Variants in STAB1 observed in about 807,000 individuals in gnomAD.
The protein encoded by STAB1 is stabilin 1.
In STAB1, 250 loss-of-function variants were observed where a neutral mutation model predicts 332.4. That is an observed-to-expected ratio of 0.75 (90% CI 0.68 to 0.84). The LOEUF is 0.84. Ranked by LOEUF, STAB1 falls within the 40% of genes least tolerant of loss-of-function variation. STAB1 has a pLI of 0.00. For synonymous variants in STAB1, 1,475 were observed against 1,390.4 expected, an observed-to-expected ratio of 1.06 and a Z score of -1.35; for missense variants, 3,249 against 3,489.7, an observed-to-expected ratio of 0.93 and a Z score of 1.74.
chr3:52,516,089 G>GCC lies in STAB1; in HGVS notation c.3997_3998dup (p.Gly1334GlnfsTer4). ...TTCTTTGGCACGCTGTGTGAGCCAT[G>GCC]CCCAGGGGGTCTAGGGGGGGTGTGC... On this transcript the variant is annotated frameshift_variant, in exon 38 of 69. Coordinates refer to ENST00000321725, the MANE Select transcript of STAB1 (RefSeq NM_015136.3). LOFTEE classifies it high-confidence loss of function. The GCC allele has an allele frequency of 6.2e-7, 1 of 1,611,882 alleles. No individual in the cohort carries two copies. Among genetic ancestry groups the GCC allele is most frequent in the Non-Finnish European group, 8.5e-7 (1 of 1,179,402 alleles).
chr3:52,510,753 G>C (rs1709240750), intron 25 of STAB1, among the ~76,000 whole-genome samples: 1 of 152,220 alleles, frequency 6.6e-6, no homozygotes. Context: ...TAGGGAATGT[G>C]ATACTGAGCA....
Position 52,501,176 on chromosome 3 carries a change from A to G in STAB1, c.89A>G (p.Lys30Arg), listed in dbSNP as rs368512305. The G allele has an allele frequency of 1.9e-6, 3 of 1,613,124 alleles. No individual in the cohort carries two copies. Among genetic ancestry groups the G allele is most frequent in the Non-Finnish European group, 2.5e-6 (3 of 1,179,672 alleles). ...TGCCTGTGGCCCCAGGTGCTGTTCA[A>G]AGGCTGTGATGTGAAAACCACGTTT... ...FSFVRGQVLF[K>R]GCDVKTTFVT... Residue 30 changes from lysine (K) to arginine (R), a missense_variant, in exon 2 of 69, where the codon AAA becomes AGA. Transcript: ENST00000321725.
intron 1 of STAB1, among the ~76,000 whole-genome samples, chr3:52,496,373 A>G (rs1308036761): frequency 6.6e-6 from 1 of 152,162 alleles, no homozygotes; most frequent in Non-Finnish European, 1.5e-5. Context: ...AGCAGCAACC[A>G]CTATCCCCAT....
In STAB1 at chr3:52,503,923, G is replaced by A. The variant is rs1352066181; in HGVS notation, c.1022+21G>A. 1.9e-6 allele frequency: 3 copies of A among 1,613,000 alleles called. No homozygotes were observed. In the African/African-American group the frequency reaches 4.0e-5, roughly 21 times the overall value. ...ACCAGGTGAGCACAGGTGCCTGGGA[G>A]CAGAGACAGTGGGTTGGGCAAGCGT... On this transcript the variant is annotated intron_variant, in intron 9 of 68. Transcript: ENST00000321725.
intron 21 of STAB1, 113 bp downstream of exon 21, chr3:52,508,472 T>G: frequency 1.0e-6 from 1 of 977,728 alleles, no homozygotes; most frequent in Non-Finnish European, 1.6e-6. Flanking sequence ...GCCTTGGGAT[T>G]CTCATATCTA....
intron 35 of STAB1, 42 bp downstream of exon 35, chr3:52,514,871 G>A (rs1441068901): frequency 6.2e-7 from 1 of 1,612,774 alleles, no homozygotes; most frequent in East Asian, 2.2e-5. Context: ...CGGGAGTTCA[G>A]AGCTGGGAGG....
In STAB1 at chr3:52,503,511, A is replaced by G. The variant is rs1270750045; in HGVS notation, c.862A>G (p.Thr288Ala). The G allele has an allele frequency of 6.2e-7, 1 of 1,613,446 alleles. No homozygotes were observed. The highest frequency in any genetic ancestry group is 1.3e-5 in the African/African-American group (1 of 75,028). Reference sequence around the variant, plus strand: ...CCTTGGTGGCTGCCCCAGCAACTCTACTTTGTGTGTGTACCAGAAGCCGGG... The same window carrying G: ...CCTTGGTGGCTGCCCCAGCAACTCTGCTTTGTGTGTGTACCAGAAGCCGGG... ...DNLGGCPSNS[T>A]LCVYQKPGQA... Residue 288 changes from threonine (T) to alanine (A), a missense_variant, in exon 8 of 69, where the codon ACT (threonine) becomes GCT (alanine). Physicochemically the swap from Thr to Ala is moderately conservative, Grantham distance 58. Transcript: ENST00000321725.
At chr3:52,505,443 T>C in intron 14 of STAB1, 62 bp downstream of exon 14, 2 of 1,531,258 alleles carry the variant, frequency 1.3e-6, no homozygotes, top group Admixed American at 3.7e-5. Flanking sequence ...CAGGACTCAT[T>C]ATCCCAGATT....
rs2079020931 is a variant in STAB1 at position 52,520,054 on chromosome 3, G to A, written c.5346G>A (p.Leu1782=). 2 of 1,612,572 alleles carry A rather than the reference G, an allele frequency of 1.2e-6. No individual in the cohort carries two copies. The highest frequency in any genetic ancestry group is 2.2e-5 in the South Asian group (2 of 91,070). Residue 1782 remains leucine, a synonymous_variant, in exon 51 of 69, where the codon CTG becomes CTA. Transcript: ENST00000321725. ...TGCCTCCGGATCGCCAGGCCTGGCT[G>A]TACCATGAGGACCACCGTGACAAGC... ...RALPPDRQAW[L]YHEDHRDKLA...
chr3:52,506,793 G>T lies in STAB1; in HGVS notation c.1932G>T (p.Pro644=). The T allele has an allele frequency of 6.2e-7, 1 of 1,613,178 alleles. No homozygotes were observed. Among genetic ancestry groups the T allele is most frequent in the Non-Finnish European group, 8.5e-7 (1 of 1,179,954 alleles). ...TGCTGGACGGCATCCTGCTGCCCCC[G>T]ACCATCCTGCCCATCCTGCCCAAGC... is the stretch of plus-strand genomic sequence containing the variant. ...IHMLDGILLP[P]TILPILPKHC... The change falls in exon 18 of 69, where the codon CCG becomes CCT. Residue 644 remains proline, a synonymous_variant. Coordinates refer to ENST00000321725, the MANE Select transcript of STAB1 (RefSeq NM_015136.3).
Position 52,501,296 on chromosome 3 carries a change from A to G in STAB1, c.209A>G (p.Asp70Gly). The change falls in exon 2 of 69, where the codon GAC becomes GGC. Residue 70 changes from aspartate to glycine, a missense_variant. Asp to Gly is a moderately conservative substitution (Grantham distance 94, BLOSUM62 -1). Coordinates refer to ENST00000321725, the MANE Select transcript of STAB1 (RefSeq NM_015136.3). The part of the protein sequence containing the change: ...LRELPDQITQ[D>G]CRYEVQLGGS... Reference sequence around the variant, plus strand: ...GAGCTCCCGGATCAGATAACCCAGGACTGCCGGTGCGGGCCACCCCTGTCC... The same window carrying G: ...GAGCTCCCGGATCAGATAACCCAGGGCTGCCGGTGCGGGCCACCCCTGTCC... The G allele has an allele frequency of 6.2e-7, 1 of 1,613,046 alleles. No individual in the cohort carries two copies. Among genetic ancestry groups the G allele is most frequent in the Non-Finnish European group, 8.5e-7 (1 of 1,179,908 alleles).
chr3:52,508,588 G>A (rs1709058577), intron 21 of STAB1: 1 of 517,442 alleles, frequency 1.9e-6, no homozygotes, highest in Non-Finnish European at 3.6e-6. Context: ...TTGAGACGCT[G>A]AGGCGGGCAG....
chr3:52,512,892 T>TC lies in STAB1; in HGVS notation c.3094dup (p.Arg1032ProfsTer58). 6.2e-7 allele frequency: 1 copy of TC among 1,611,890 alleles called. No homozygotes were observed. The highest frequency in any genetic ancestry group is 8.5e-7 in the Non-Finnish European group (1 of 1,179,822). ...GCCCTGGTGCCCTCCGAGGCTGCAGTCCGTCAGCTGAGCCCCGAGGACCGA... is the reference window on the plus strand; with the variant it reads ...GCCCTGGTGCCCTCCGAGGCTGCAGTCCCGTCAGCTGAGCCCCGAGGACCGA... On this transcript the variant is annotated frameshift_variant, in exon 29 of 69. Coordinates refer to ENST00000321725, the MANE Select transcript of STAB1 (RefSeq NM_015136.3). LOFTEE classifies it high-confidence loss of function.
rs780087717 is a variant in STAB1 at position 52,503,479 on chromosome 3, C to A, written c.830C>A (p.Thr277Asn). 1 of 1,613,824 alleles carries A rather than the reference C, an allele frequency of 6.2e-7. No individual in the cohort carries two copies. The highest frequency in any genetic ancestry group is 1.1e-5 in the South Asian group (1 of 91,084). The stretch of plus-strand genomic sequence containing the variant: ...GTGTGTCTGCCCAAGGACCCATGCA[C>A]TGACAACCTTGGTGGCTGCCCCAGC... The part of the protein sequence containing the change: ...GMVCLPKDPC[T>N]DNLGGCPSNS... Residue 277 changes from threonine to asparagine, a missense_variant, in exon 8 of 69, where the codon ACT becomes AAT. Physicochemically the swap from Thr to Asn is moderately conservative, Grantham distance 65. Transcript: ENST00000321725.
intron 26 of STAB1, 118 bp from the exon 27 acceptor site, chr3:52,512,223 C>T (rs1709347295): frequency 2.1e-6 from 2 of 944,182 alleles, no homozygotes; most frequent in Admixed American, 3.8e-5. Flanking sequence ...GACTGGGTGG[C>T]TGCAGAGCAA....
intron 1 of STAB1, among the ~76,000 whole-genome samples, chr3:52,496,400 C>A (rs1325896781): frequency 1.3e-5 from 2 of 152,218 alleles, no homozygotes; most frequent in Admixed American, 6.5e-5. Context: ...GATGGCCAGA[C>A]TAAAGTCCAG....
In STAB1 at chr3:52,497,407, CTTT is replaced by C. The variant is rs1200611448; in HGVS notation, c.78+1937_78+1939del. Among the ~76,000 whole-genome samples the C allele has an allele frequency of 3.6e-5, 4 of 111,780 alleles. No individual in the cohort carries two copies. In the South Asian group the frequency reaches 1.2e-3, roughly 33 times the overall value. 73.3% of individuals were successfully genotyped at this position (111,780 alleles called of 152,430 possible). The stretch of plus-strand genomic sequence containing the variant: ...CATAGATTATATGTGAATTCGATGC[CTTT>C]TTTTTTTTTTTTTTTTTTTTGAGAT... On this transcript the variant is annotated intron_variant, in intron 1 of 68. Transcript: ENST00000321725.
chr3:52,512,482 A>T (rs1272528717), intron 27 of STAB1, 46 bp downstream of exon 27: 1 of 1,610,560 alleles, frequency 6.2e-7, no homozygotes, highest in Admixed American at 1.7e-5. Context: ...GTGCTTGGGA[A>T]GGAGCCCTCT....
At position 52,498,035 on chromosome 3, in the gene STAB1, C is replaced by CA. The variant is rs1169356269; in HGVS notation, c.78+2545dup. On this transcript the variant is annotated intron_variant, in intron 1 of 68. Coordinates refer to ENST00000321725, the MANE Select transcript of STAB1 (RefSeq NM_015136.3). Reference sequence around the variant, plus strand: ...GAGCACGGTCCAGAACCCAGCCCTGCACCCTCCCTGATCTGACCAAAGGTA... The same window carrying CA: ...GAGCACGGTCCAGAACCCAGCCCTGCAACCCTCCCTGATCTGACCAAAGGTA... Among the ~76,000 whole-genome samples the CA allele has an allele frequency of 2.6e-5, 4 of 152,134 alleles. No individual in the cohort carries two copies. In the East Asian group the frequency reaches 5.8e-4, roughly 22 times the overall value.
Sources: gnomAD v4.1 joint callset for allele counts (sites outside exome capture counted in the v4.1 genomes callset) on GRCh38, gnomAD v4.1.1 for gene constraint, MANE v1.5 for transcripts, NCBI Gene and HGNC (gene_info 2026-07-23, HGNC 2026-07-21) for gene names.